PUS3: variants seen among roughly 807,000 people sequenced by gnomAD.
PUS3 encodes the protein tRNA pseudouridine(38/39) synthase.
A neutral mutation model predicts 43.3 loss-of-function variants in PUS3; 36 were observed. The observed-to-expected ratio is 0.83, with a 90% CI of 0.64 to 1.10. PUS3 has a LOEUF of 1.10. PUS3 is among the 50% of genes least tolerant of loss of function. The probability of loss-of-function intolerance (pLI) is 0.00; values close to 1 mark genes in which losing one functional copy is unlikely to be tolerated. For synonymous variants in PUS3, 183 were observed against 199.2 expected (o/e 0.92, Z 0.69); for missense variants, 544 against 589.9 (o/e 0.92, Z 0.81).
At chr11:125,899,353 C>T (rs1944686424) in intron 1 of PUS3, 1 of 1,612,558 alleles carries the variant, frequency 6.2e-7, no homozygotes. Context: ...GAAGGTCCTA[C>T]AGTGTAGGGG....
intron 1 of PUS3, chr11:125,899,782 A>G: frequency 2.5e-6 from 4 of 1,614,216 alleles, no homozygotes; most frequent in Non-Finnish European, 3.4e-6. Flanking sequence ...TGATGAATGT[A>G]CAGTTCCAGG....
intron 1 of PUS3, among the ~76,000 whole-genome samples, chr11:125,897,502 C>A (rs1316689870): frequency 7.9e-6 from 1 of 126,986 alleles, no homozygotes; most frequent in Non-Finnish European, 1.6e-5. Flanking sequence ...TGAATATATA[C>A]ATCAGTTTTA....
chr11:125,901,031 G>C (rs1198805681), intron 1 of PUS3, among the ~76,000 whole-genome samples: 1 of 144,942 alleles, frequency 6.9e-6, no homozygotes, highest in Non-Finnish European at 1.5e-5. Flanking sequence ...AAAAAAAGAA[G>C]GAACAAAAAC....
chr11:125,902,012 TCAAAGTCCAACATTAC>T (rs1944785928), intron 1 of PUS3, among the ~76,000 whole-genome samples: 1 of 152,206 alleles, frequency 6.6e-6, no homozygotes, highest in Non-Finnish European at 1.5e-5. Context: ...TATTTGGATC[TCAAAGTCCAACATTAC>T]CAAAGTCTCC....
chr11:125,893,773 A>G lies in PUS3; in HGVS notation c.*12T>C. The G allele has an allele frequency of 6.3e-7, 1 of 1,583,490 alleles. No homozygotes were observed. The highest frequency in any genetic ancestry group is 2.3e-5 in the East Asian group (1 of 44,426). Reference sequence around the variant, plus strand: ...ATTAGGTGGTTCCTAGATCCTGGCAAATTGTCTATGGTTAAATGATGCTTT... The same window carrying G: ...ATTAGGTGGTTCCTAGATCCTGGCAGATTGTCTATGGTTAAATGATGCTTT... On this transcript the variant is annotated 3_prime_UTR_variant, in exon 4 of 4. Coordinates refer to ENST00000227474, the MANE Select transcript of PUS3 (RefSeq NM_031307.4).
intron 1 of PUS3, among the ~76,000 whole-genome samples, 193 bp downstream of exon 1, chr11:125,902,977 G>A (rs1944818359): frequency 1.3e-5 from 2 of 151,952 alleles, no homozygotes; most frequent in African/African-American, 4.8e-5. Flanking sequence ...GCTCCAGAAA[G>A]TACCAGGCAC....
At position 125,894,173 on chromosome 11, in the gene PUS3, G is replaced by GC. The variant is rs1373322075; in HGVS notation, c.1057dup (p.Ala353GlyfsTer2). 24 of 1,613,982 alleles carry GC rather than the reference G, an allele frequency of 1.5e-5. No individual in the cohort carries two copies. The highest frequency in any genetic ancestry group is 1.9e-5 in the Non-Finnish European group (23 of 1,180,024). ...CATGTGAGTTTTGACAGCATGATTA[G>GC]CCCACAGTTGTTGTAGGTGGGTAAT... On this transcript the variant is annotated frameshift_variant, in exon 4 of 4. Transcript: ENST00000227474. LOFTEE classifies it high-confidence loss of function.
At position 125,894,303 on chromosome 11, in the gene PUS3, A is replaced by G; in HGVS notation, c.945-17T>C. ...ACAGCCATACTAGAGAAAAAGAGAA[A>G]AGAAAGTTTGAGAATACATAACATC... On this transcript the variant is annotated splice_polypyrimidine_tract_variant and intron_variant, in intron 3 of 3. Transcript: ENST00000227474. 6.4e-7 allele frequency: 1 copy of G among 1,573,872 alleles called. No homozygotes were observed.
chr11:125,896,412 A>G, intron 1 of PUS3, 82 bp from the exon 2 acceptor site: 1 of 943,530 alleles, frequency 1.1e-6, no homozygotes, highest in Non-Finnish European at 1.6e-6. Context: ...ATTTAATTTA[A>G]TGCCCAAAGA....
intron 1 of PUS3, chr11:125,899,259 C>T (rs1444502213): frequency 3.3e-6 from 3 of 903,942 alleles, no homozygotes; most frequent in Non-Finnish European, 5.2e-6. Context: ...CTCCATTTGA[C>T]TGCTATAAAA....
At chr11:125,897,044 G>A (rs181161619) in intron 1 of PUS3, among the ~76,000 whole-genome samples, 3 of 152,290 alleles carry the variant, frequency 2.0e-5, no homozygotes, top group African/African-American at 4.8e-5. Context: ...CTGATGTAAT[G>A]TAGATGTCAG....
chr11:125,898,069 A>G (rs746959768), intron 1 of PUS3, among the ~76,000 whole-genome samples: 1 of 152,118 alleles, frequency 6.6e-6, no homozygotes, highest in Non-Finnish European at 1.5e-5. Context: ...GGTTCAGAAG[A>G]GTTGTGTAGT....
chr11:125,900,081 G>A (rs771103267), intron 1 of PUS3: 11 of 1,614,186 alleles, frequency 6.8e-6, no homozygotes, highest in Admixed American at 6.7e-5. Flanking sequence ...AAGGAATTAC[G>A]CTGGGGTGTC....
intron 1 of PUS3, among the ~76,000 whole-genome samples, chr11:125,901,243 G>A (rs2134263771): frequency 6.6e-6 from 1 of 152,198 alleles, no homozygotes; most frequent in Non-Finnish European, 1.5e-5. Context: ...GTTATTTCTG[G>A]AATACCATTC....
chr11:125,895,105 G>A, intron 3 of PUS3, 119 bp downstream of exon 3: 1 of 668,904 alleles, frequency 1.5e-6, no homozygotes, highest in Non-Finnish European at 2.4e-6. Context: ...GGAATGCAGT[G>A]GTCCAATCTC....
intron 1 of PUS3, among the ~76,000 whole-genome samples, chr11:125,902,857 A>G (rs563347753): frequency 2.0e-5 from 3 of 152,012 alleles, no homozygotes; most frequent in South Asian, 2.1e-4. Context: ...TGAGCACCCA[A>G]TTCTAAGTGG....
intron 1 of PUS3, chr11:125,900,044 A>G (rs1014450856): frequency 3.1e-6 from 5 of 1,614,110 alleles, no homozygotes; most frequent in African/African-American, 2.7e-5. Flanking sequence ...CTGGGACTCA[A>G]TACGTTTACC....
At chr11:125,897,544 A>T (rs1944625185) in intron 1 of PUS3, among the ~76,000 whole-genome samples, 1 of 151,382 alleles carries the variant, frequency 6.6e-6, no homozygotes, top group East Asian at 1.9e-4. Context: ...AAATCCAGCA[A>T]CCTGAGAGTC....
rs1282806815 is a variant in PUS3, at chr11:125,899,398, AT to A, written c.-46-3069del. The A allele has an allele frequency of 3.7e-6, 6 of 1,614,076 alleles. No homozygotes were observed. Among genetic ancestry groups the A allele is most frequent in the Non-Finnish European group, 5.1e-6 (6 of 1,180,026 alleles). On this transcript the variant is annotated intron_variant, in intron 1 of 3. Coordinates refer to ENST00000227474, the MANE Select transcript of PUS3 (RefSeq NM_031307.4). ...AAGAACTTCTACCTGATGGACAAAT[AT>A]GGGCTAATATGGATCCAGAAGAACG...
Sources: gnomAD v4.1 joint callset for allele counts (sites outside exome capture counted in the v4.1 genomes callset) on GRCh38, gnomAD v4.1.1 for gene constraint, MANE v1.5 for transcripts, NCBI Gene and HGNC (gene_info 2026-07-23, HGNC 2026-07-21) for gene names.